The following TUBGCP5 variants were observed in gnomAD, a reference collection of about 807,000 sequenced individuals.
TUBGCP5 encodes the protein gamma-tubulin complex component 5.
TUBGCP5 carries 98 observed loss-of-function variants against 134.7 expected under a neutral mutation model. That is an observed-to-expected ratio of 0.73 (90% CI 0.62 to 0.86). TUBGCP5 has a LOEUF of 0.86. Among genes scored for constraint, TUBGCP5 ranks in the 40% least tolerant of loss-of-function variants. The pLI, the probability that TUBGCP5 is intolerant of heterozygous loss-of-function variation, is 0.00. For missense variants in TUBGCP5, 1,150 were observed against 1,244.8 expected (o/e 0.92, Z 1.15); for synonymous variants, 456 against 431.4 (o/e 1.06, Z -0.71).
Position 22,983,584 on chromosome 15 carries a change from G to A in TUBGCP5, c.*89C>T, listed in dbSNP as rs968301724. 1.3e-5 allele frequency: 2 copies of A among 152,054 alleles called. 1 individual carries two copies. Among genetic ancestry groups the A allele is most frequent in the Non-Finnish European group, 2.9e-5 (2 of 68,004 alleles). The allele number at this position is 152,054 out of a possible 1,614,324, so 9.4% of individuals were successfully genotyped here. A position where few individuals can be genotyped will look rare whatever the true frequency, so the allele number is the denominator to read the frequency against. On this transcript the variant is annotated 3_prime_UTR_variant and NMD_transcript_variant, in exon 24 of 24. Coordinates refer to the TUBGCP5 transcript ENST00000614508. Reference sequence around the variant, plus strand: ...CCACTGCACTCCAGCCTGGGCGATAGAGTGAGACTCACAGAGTGAGATTCC... The same window carrying A: ...CCACTGCACTCCAGCCTGGGCGATAAAGTGAGACTCACAGAGTGAGATTCC...
In TUBGCP5 at chr15:22,989,544, GATTT is replaced by G. The variant is rs539133174; in HGVS notation, c.*62-5937_*62-5934del. Among the ~76,000 whole-genome samples, 274 of 152,180 alleles carry G rather than the reference GATTT, an allele frequency of 1.8e-3. 1 individual carries two copies. The highest frequency in any genetic ancestry group is 1.5e-3 in the Non-Finnish European group (101 of 68,008). On this transcript the variant is annotated intron_variant and NMD_transcript_variant, in intron 23 of 23. Transcript: ENST00000614508. ...TCTTGGTCTGTCTTTTTAAATTTAT[GATTT>G]ATTTATTTATCTAGAGACAGGGTCT...
intron 3 of TUBGCP5, among the ~76,000 whole-genome samples, chr15:23,035,843 C>T (rs905554222): frequency 6.6e-6 from 1 of 152,104 alleles, no homozygotes; most frequent in African/African-American, 2.4e-5. Context: ...TTACTGATTC[C>T]CTCAACAAAC....
chr15:23,009,426 G>A (rs1196813494), intron 15 of TUBGCP5, among the ~76,000 whole-genome samples: 1 of 151,746 alleles, frequency 6.6e-6, no homozygotes, highest in Non-Finnish European at 1.5e-5. Context: ...CCGGCACCAC[G>A]CCCGGCGAAT....
intron 4 of TUBGCP5, among the ~76,000 whole-genome samples, chr15:23,032,521 G>A (rs1169048875): frequency 2.6e-5 from 4 of 152,128 alleles, no homozygotes; most frequent in South Asian, 2.1e-4. Context: ...ATCTGTAGTT[G>A]ATTGAATCTG....
At chr15:22,993,207 C>T (rs2063907782) in intron 23 of TUBGCP5, among the ~76,000 whole-genome samples, 1 of 149,892 alleles carries the variant, frequency 6.7e-6, no homozygotes. Flanking sequence ...TCAAGCGATT[C>T]CCCTGCCTCA....
At chr15:23,029,266 G>A (rs1055320337) in intron 6 of TUBGCP5, among the ~76,000 whole-genome samples, 1 of 152,114 alleles carries the variant, frequency 6.6e-6, no homozygotes, top group Non-Finnish European at 1.5e-5. Flanking sequence ...TTGTTGCCCA[G>A]GCTGGAGTGC....
At position 23,000,176 on chromosome 15, in the gene TUBGCP5, G is replaced by T. The variant is rs529880491; in HGVS notation, c.3029-310C>A. ...ATTCACTCAACCTCCCAAAGGGCTG[G>T]GATTAGAGGCATGAGCCACCGCGCC... On this transcript the variant is annotated intron_variant, in intron 22 of 22. Transcript: ENST00000615383. 1.0e-4 allele frequency: 91 copies of T among 875,114 alleles called. No individual in the cohort carries two copies. In the East Asian group the frequency reaches 3.2e-3, roughly 31 times the overall value. The allele number at this position is 875,114 out of a possible 1,614,324, so 54.2% of individuals were successfully genotyped here.
chr15:22,994,731 A>G (rs2063991475), downstream of TUBGCP5, among the ~76,000 whole-genome samples: 1 of 152,142 alleles, frequency 6.6e-6, no homozygotes, highest in Non-Finnish European at 1.5e-5. Flanking sequence ...TAGGAGTGGG[A>G]TTGCTGGGTG....
intron 23 of TUBGCP5, among the ~76,000 whole-genome samples, chr15:22,993,537 T>G (rs1158957225): frequency 0.035 from 3,889 of 112,592 alleles, 252 homozygotes; most frequent in African/African-American, 0.12. Context: ...TTTTTTTTTT[T>G]TTTTTTTTTT....
At position 23,018,645 on chromosome 15, in the gene TUBGCP5, A is replaced by G. The variant is rs376437791; in HGVS notation, c.1487+574T>C. Among the ~76,000 whole-genome samples the G allele has an allele frequency of 7.2e-5, 11 of 152,212 alleles. No individual in the cohort carries two copies. In the East Asian group the frequency reaches 2.1e-3, roughly 29 times the overall value. ...ATGGATAGCTATCAATAGAAACCATATATCTAAATATACCGCATAATTTAA... is the reference window on the plus strand; with the variant it reads ...ATGGATAGCTATCAATAGAAACCATGTATCTAAATATACCGCATAATTTAA... On this transcript the variant is annotated intron_variant, in intron 12 of 22. Transcript: ENST00000615383.
At chr15:23,011,799 C>T (rs1469043382) in intron 13 of TUBGCP5, among the ~76,000 whole-genome samples, 3 of 148,898 alleles carry the variant, frequency 2.0e-5, no homozygotes, top group African/African-American at 7.3e-5. Flanking sequence ...GCGTGAGCCA[C>T]TGTGCCTGGC....
intron 13 of TUBGCP5, 81 bp downstream of exon 13, chr15:23,017,692 T>C: frequency 7.3e-7 from 1 of 1,378,790 alleles, no homozygotes; most frequent in South Asian, 1.5e-5. Context: ...AACTACAAAA[T>C]AATTAGGTAT....
rs1228677291 is a variant in TUBGCP5, at chr15:23,019,093, G to A, written c.1487+126C>T. On this transcript the variant is annotated intron_variant, in intron 12 of 22. Coordinates refer to ENST00000615383, the MANE Select transcript of TUBGCP5 (RefSeq NM_052903.6). ...TGAGATAGAACTTGCCTATGATGAC[G>A]ACAAGTTCTGTGATGTGAACTGTGC... is the stretch of plus-strand genomic sequence containing the variant. 3.5e-5 allele frequency: 20 copies of A among 577,714 alleles called. No individual in the cohort carries two copies. In the Admixed American group the frequency reaches 6.0e-4, roughly 17 times the overall value. 35.8% of individuals were successfully genotyped at this position (577,714 alleles called of 1,614,324 possible). A position where few individuals can be genotyped will look rare whatever the true frequency, so the allele number is the denominator to read the frequency against.
At chr15:22,993,477 A>AC (rs1237128314) in intron 23 of TUBGCP5, among the ~76,000 whole-genome samples, 6 of 133,716 alleles carry the variant, frequency 4.5e-5, no homozygotes, top group Non-Finnish European at 9.3e-5. Context: ...AGCTCACTAG[A>AC]CCCTCGACCT....
intron 21 of TUBGCP5, among the ~76,000 whole-genome samples, chr15:23,001,844 G>A (rs1215053411): frequency 8.6e-5 from 13 of 151,928 alleles, no homozygotes; most frequent in Admixed American, 8.5e-4. Flanking sequence ...AAGTATAAAT[G>A]TATACTTTAA....
chr15:23,038,285 A>C (rs1189063342), intron 1 of TUBGCP5, among the ~76,000 whole-genome samples: 1 of 144,614 alleles, frequency 6.9e-6, no homozygotes, highest in East Asian at 1.9e-4. Flanking sequence ...TGAATGGAAC[A>C]CCACTTTACC....
In TUBGCP5 at chr15:23,018,006, C is replaced by T; in HGVS notation, c.1523G>A (p.Trp508Ter). The change falls in exon 13 of 23, where the codon TGG becomes TAG. Residue 508 changes from tryptophan (W) to a stop codon, truncating the protein, a stop_gained. Coordinates refer to ENST00000615383, the MANE Select transcript of TUBGCP5 (RefSeq NM_052903.6). LOFTEE classifies it high-confidence loss of function. ...KNVPVNHRDF[W>*]YATYTLYSVS... ...GCTATATAACGTGTAAGTTGCATAC[C>T]AGAAGTCTCTGTGATTAACTGGAAC... 1 of 1,612,802 alleles carries T rather than the reference C, an allele frequency of 6.2e-7. No individual in the cohort carries two copies. The highest frequency in any genetic ancestry group is 8.5e-7 in the Non-Finnish European group (1 of 1,179,030).
intron 23 of TUBGCP5, among the ~76,000 whole-genome samples, chr15:22,986,162 TAAAATA>T (rs2063676140): frequency 6.9e-6 from 1 of 145,804 alleles, no homozygotes; most frequent in African/African-American, 2.5e-5. Flanking sequence ...ATAATAATAA[TAAAATA>T]AAAATAAACA....
At chr15:23,039,284 C>T in intron 1 of TUBGCP5, 114 bp downstream of exon 1, 2 of 1,165,538 alleles carry the variant, frequency 1.7e-6, no homozygotes, top group South Asian at 4.3e-5. Flanking sequence ...CCTGAGGCCG[C>T]GCCCGCCTCC....
Sources: allele counts gnomAD v4.1 joint callset (sites outside exome capture counted in the v4.1 genomes callset), GRCh38; gene constraint gnomAD v4.1.1; transcripts MANE v1.5; gene names NCBI Gene and HGNC (gene_info 2026-07-23, HGNC 2026-07-21).